The following POLN variants were observed in gnomAD, a reference collection of about 807,000 sequenced individuals.
POLN encodes DNA polymerase N.
POLN carries 108 observed loss-of-function variants against 113.5 expected under a neutral mutation model. The observed-to-expected ratio is 0.95, with a 90% CI of 0.81 to 1.12. The LOEUF (loss-of-function observed/expected upper bound fraction) is 1.12. Among genes scored for constraint, POLN ranks in the 50% most tolerant of loss-of-function variants. POLN has a pLI of 0.00. For missense variants in POLN, 1,097 were observed against 1,077.1 expected (o/e 1.02, Z -0.26); for synonymous variants, 386 against 391.5 (o/e 0.99, Z 0.17).
intron 13 of POLN, among the ~76,000 whole-genome samples, chr4:2,163,349 C>G (rs1318021905): frequency 1.3e-5 from 2 of 152,206 alleles, no homozygotes; most frequent in African/African-American, 2.4e-5. Context: ...TGATGACTTA[C>G]TCACAAAATA....
chr4:2,128,433 G>GT (rs1731638958), intron 18 of POLN, among the ~76,000 whole-genome samples: 1 of 152,222 alleles, frequency 6.6e-6, no homozygotes, highest in Non-Finnish European at 1.5e-5. Flanking sequence ...AGGCTCAGGA[G>GT]TGAGTGAGAA....
chr4:2,135,573 G>A (rs1003813501), intron 16 of POLN, among the ~76,000 whole-genome samples: 7 of 152,194 alleles, frequency 4.6e-5, no homozygotes, highest in African/African-American at 9.7e-5. Context: ...AGGTGTCTAC[G>A]TGAGCAATTA....
chr4:2,170,575 T>C, intron 13 of POLN, 104 bp downstream of exon 13: 1 of 960,546 alleles, frequency 1.0e-6, no homozygotes, highest in South Asian at 1.6e-5. Context: ...GCTGCCAGCA[T>C]GAGGGGACGG....
At chr4:2,234,836 A>G (rs773815384) in intron 2 of POLN, among the ~76,000 whole-genome samples, 3 of 152,196 alleles carry the variant, frequency 2.0e-5, no homozygotes, top group Non-Finnish European at 4.4e-5. Flanking sequence ...TATAACTTAT[A>G]AAATAGACTC....
chr4:2,087,100 T>A (rs1265877894), intron 20 of POLN, among the ~76,000 whole-genome samples: 3 of 152,130 alleles, frequency 2.0e-5, no homozygotes. Context: ...AGTGGGAAGG[T>A]CTAGGGTGCC....
At chr4:2,166,848 C>G (rs1732740966) in intron 13 of POLN, among the ~76,000 whole-genome samples, 1 of 152,268 alleles carries the variant, frequency 6.6e-6, no homozygotes, top group East Asian at 1.9e-4. Context: ...TTCCCTGGGT[C>G]TCCAGCTTGA....
chr4:2,117,919 G>T (rs944173539), intron 19 of POLN, among the ~76,000 whole-genome samples: 2 of 152,216 alleles, frequency 1.3e-5, no homozygotes, highest in African/African-American at 4.8e-5. Context: ...GCCTATAGAA[G>T]ACCTGGAGCC....
chr4:2,227,777 A>C (rs1734436061), intron 3 of POLN: 1 of 152,102 alleles, frequency 6.6e-6, no homozygotes, highest in South Asian at 2.1e-4. Context: ...ACTGTCGTAA[A>C]TTTTTCATCA....
At chr4:2,191,728 C>A (rs1339767104) in intron 7 of POLN, among the ~76,000 whole-genome samples, 1 of 152,068 alleles carries the variant, frequency 6.6e-6, no homozygotes, top group East Asian at 1.9e-4. Context: ...CAGAATCTCA[C>A]ATTTTAGTCA....
At chr4:2,210,582 AAATAAT>A (rs376506693) in intron 4 of POLN, among the ~76,000 whole-genome samples, 12,142 of 121,012 alleles carry the variant, frequency 0.1, 676 homozygotes, top group Non-Finnish European at 0.11. Context: ...GAAAGTCTCA[AAATAAT>A]AATAATAATA....
intron 7 of POLN, among the ~76,000 whole-genome samples, chr4:2,185,456 G>A (rs1396812353): frequency 3.3e-5 from 5 of 152,138 alleles, no homozygotes; most frequent in African/African-American, 1.2e-4. Context: ...ACAAATACAA[G>A]CACACCTGGC....
chr4:2,176,429 A>G, intron 8 of POLN, 95 bp from the exon 9 acceptor site: 1 of 969,426 alleles, frequency 1.0e-6, no homozygotes, highest in Middle Eastern at 3.2e-4. Flanking sequence ...AATGTTTCCT[A>G]GTAAAATCCC....
chr4:2,129,112 T>C, intron 18 of POLN, 67 bp downstream of exon 18: 1 of 1,175,768 alleles, frequency 8.5e-7, no homozygotes, highest in Non-Finnish European at 1.3e-6. Flanking sequence ...ATAAGTACCT[T>C]TGAATTGTTC....
At chr4:2,185,650 T>G (rs9993696) in intron 7 of POLN, among the ~76,000 whole-genome samples, 37,433 of 151,762 alleles carry the variant, frequency 0.25, 7,114 homozygotes, top group African/African-American at 0.51. Flanking sequence ...AGAGGCTGAG[T>G]CAGGAGAATT....
At chr4:2,194,796 C>T (rs1201477283) in intron 6 of POLN, among the ~76,000 whole-genome samples, 4 of 152,086 alleles carry the variant, frequency 2.6e-5, no homozygotes, top group Admixed American at 6.6e-5. Flanking sequence ...GGTGAGGTTG[C>T]TGAGGAGGGA....
intron 7 of POLN, 35 bp downstream of exon 7, chr4:2,193,169 G>A: frequency 2.0e-6 from 3 of 1,472,422 alleles, no homozygotes; most frequent in Middle Eastern, 1.7e-4. Flanking sequence ...CAGTTGAAGA[G>A]TTAAATTATA....
intron 19 of POLN, among the ~76,000 whole-genome samples, chr4:2,107,726 G>T (rs1731099863): frequency 6.6e-6 from 1 of 152,208 alleles, no homozygotes; most frequent in African/African-American, 2.4e-5. Flanking sequence ...GCTGCCTGCA[G>T]GTACTGGCCA....
At chr4:2,119,427 G>A (rs1415877900) in intron 19 of POLN, among the ~76,000 whole-genome samples, 2 of 5,122 alleles carry the variant, frequency 3.9e-4, no homozygotes, top group African/African-American at 6.5e-4. Flanking sequence ...GTGTGCACAC[G>A]TGTGTGTGTG....
In POLN at chr4:2,072,163, G is replaced by C; in HGVS notation, c.2654C>G (p.Ala885Gly). The C allele has an allele frequency of 6.2e-7, 1 of 1,612,216 alleles. No individual in the cohort carries two copies. Among genetic ancestry groups the C allele is most frequent in the Non-Finnish European group, 8.5e-7 (1 of 1,179,374 alleles). The change falls in exon 26 of 26, where the codon GCC becomes GGC. Residue 885 changes from alanine to glycine, a missense_variant. Transcript: ENST00000511885. ...ATGCAGGGGTGGGGGCTGGGTGCTGGCAGGGGACCCAGGGGCAGCCAGGCT... is the reference window on the plus strand; with the variant it reads ...ATGCAGGGGTGGGGGCTGGGTGCTGCCAGGGGACCCAGGGGCAGCCAGGCT... ...SNSLAAPGSP[A>G]STQPPPLHFS...
Sources: gnomAD v4.1 joint callset for allele counts (sites outside exome capture counted in the v4.1 genomes callset) on GRCh38, gnomAD v4.1.1 for gene constraint, MANE v1.5 for transcripts, NCBI Gene and HGNC (gene_info 2026-07-23, HGNC 2026-07-21) for gene names.